The following PTK7 variants were observed in gnomAD, a reference collection of about 807,000 sequenced individuals.
PTK7 encodes the protein inactive tyrosine-protein kinase 7.
In PTK7, 39 loss-of-function variants were observed where a neutral mutation model predicts 116.6. The observed-to-expected ratio is 0.33, with a 90% CI of 0.26 to 0.44. The LOEUF (loss-of-function observed/expected upper bound fraction) is 0.44, where lower values mean the gene tolerates loss of function less well. PTK7 is among the 20% of genes least tolerant of loss of function. The pLI, the probability that PTK7 is intolerant of heterozygous loss-of-function variation, is 1.00. For missense variants in PTK7, 1,169 were observed against 1,425.6 expected (o/e 0.82, Z 2.90); for synonymous variants, 546 against 563.6 (o/e 0.97, Z 0.44).
intron 1 of PTK7, among the ~76,000 whole-genome samples, chr6:43,105,020 C>T (rs1767792651): frequency 6.6e-6 from 1 of 151,454 alleles, no homozygotes; most frequent in East Asian, 1.9e-4. Context: ...ACCGTGTTAG[C>T]CAGGATGGTC....
At chr6:43,117,895 C>T (rs1482071501) in intron 1 of PTK7, among the ~76,000 whole-genome samples, 1 of 150,544 alleles carries the variant, frequency 6.6e-6, no homozygotes, top group Non-Finnish European at 1.5e-5. Context: ...GAGATCATGC[C>T]ATTGCACTCC....
chr6:43,086,197 A>G (rs570892880), intron 1 of PTK7, among the ~76,000 whole-genome samples: 10 of 152,164 alleles, frequency 6.6e-5, no homozygotes, highest in Admixed American at 5.2e-4. Context: ...GCCTAGGCAG[A>G]CTTTTATGAT....
chr6:43,144,580 C>A lies in PTK7; in HGVS notation c.2381C>A (p.Ser794Tyr). The change falls in exon 15 of 20, where the codon TCT becomes TAT. Residue 794 changes from serine (S) to tyrosine (Y), a missense_variant. Physicochemically the swap from Ser to Tyr is moderately radical, Grantham distance 144. This residue lies in a region of PTK7 where 678 missense variants were observed against 853.8 expected (regional missense o/e 0.79). Transcript: ENST00000230419. ...STSDKMHFPR[S>Y]SLQPITTLGK... Reference sequence around the variant, plus strand: ...AGTGATAAGATGCACTTCCCACGGTCTAGCCTGCAGCCCATCACCACGCTG... The same window carrying A: ...AGTGATAAGATGCACTTCCCACGGTATAGCCTGCAGCCCATCACCACGCTG... 6.2e-7 allele frequency: 1 copy of A among 1,613,480 alleles called. No individual in the cohort carries two copies. The highest frequency in any genetic ancestry group is 1.1e-5 in the South Asian group (1 of 90,998).
At chr6:43,120,214 A>T (rs1296912742) in intron 1 of PTK7, among the ~76,000 whole-genome samples, 1 of 152,198 alleles carries the variant, frequency 6.6e-6, no homozygotes, top group Non-Finnish European at 1.5e-5. Context: ...TGGACACTTG[A>T]GTGACTTCAT....
At chr6:43,151,905 C>G (rs1469974396) in intron 17 of PTK7, among the ~76,000 whole-genome samples, 1 of 127,542 alleles carries the variant, frequency 7.8e-6, no homozygotes, top group African/African-American at 3.0e-5. Context: ...AGTGCAGTGG[C>G]GGGATCTCGG....
rs1770689943 is a variant in PTK7 at position 43,145,736 on chromosome 6, C to CT, written c.2640+305dup. ...AGGGATGCCTTCCAGGTCATCTTCTCTGACTCTTGTTTTCTTTGGTTTGTT... is the reference window on the plus strand; with the variant it reads ...AGGGATGCCTTCCAGGTCATCTTCTCTTGACTCTTGTTTTCTTTGGTTTGTT... On this transcript the variant is annotated intron_variant, in intron 16 of 19. Coordinates refer to ENST00000230419, the MANE Select transcript of PTK7 (RefSeq NM_002821.5). This position sits in a 1 kb window ranked among gnomAD's most constrained non-coding sequence, Gnocchi z 4.8. 1 of 218,566 alleles carries CT rather than the reference C, an allele frequency of 4.6e-6. No individual in the cohort carries two copies. Among genetic ancestry groups the CT allele is most frequent in the African/African-American group, 2.3e-5 (1 of 43,936 alleles). 13.5% of individuals were successfully genotyped at this position (218,566 alleles called of 1,614,324 possible). A position where few individuals can be genotyped will look rare whatever the true frequency, so the allele number is the denominator to read the frequency against.
At chr6:43,155,619 A>G (rs935032129) in intron 17 of PTK7, among the ~76,000 whole-genome samples, 18 of 151,692 alleles carry the variant, frequency 1.2e-4, no homozygotes, top group Admixed American at 2.0e-4. Flanking sequence ...ACTGCACTCC[A>G]GCCTGGCAAC....
In PTK7 at chr6:43,110,636, C is replaced by G. The variant is rs532035950; in HGVS notation, c.80-18341C>G. ...ACCATGTTAGGCTGGTTTTGAGCTC[C>G]TGTCCTCAGGTGATCCACCCGCCTC... On this transcript the variant is annotated intron_variant, in intron 1 of 19. Coordinates refer to ENST00000230419, the MANE Select transcript of PTK7 (RefSeq NM_002821.5). 3.3e-5 allele frequency among the ~76,000 whole-genome samples: 5 copies of G among 150,788 alleles called. No individual in the cohort carries two copies. The South Asian group carries it at 1.0e-3, about 32-fold the overall frequency.
At chr6:43,111,155 C>T (rs1292760067) in intron 1 of PTK7, among the ~76,000 whole-genome samples, 2 of 152,188 alleles carry the variant, frequency 1.3e-5, no homozygotes. Context: ...ATCTGCACCC[C>T]TATTAGGAAT....
At chr6:43,159,652 T>A (rs1771718638) in intron 18 of PTK7, 136 bp from the exon 19 acceptor site, 1 of 860,124 alleles carries the variant, frequency 1.2e-6, no homozygotes, top group Non-Finnish European at 1.9e-6. Context: ...AGCACGCATG[T>A]GACCAATTTC....
intron 1 of PTK7, among the ~76,000 whole-genome samples, chr6:43,104,957 T>C (rs1184839209): frequency 2.0e-5 from 3 of 151,744 alleles, no homozygotes; most frequent in Non-Finnish European, 2.9e-5. Flanking sequence ...GGATTACAGG[T>C]GCCCGCCACC....
At chr6:43,104,634 C>T (rs1392882778) in intron 1 of PTK7, among the ~76,000 whole-genome samples, 1 of 151,866 alleles carries the variant, frequency 6.6e-6, no homozygotes, top group Non-Finnish European at 1.5e-5. Context: ...ACCATGTTGG[C>T]CCAGGCTGGT....
intron 1 of PTK7, among the ~76,000 whole-genome samples, chr6:43,102,745 A>AC (rs1767657085): frequency 6.6e-6 from 1 of 152,230 alleles, no homozygotes; most frequent in Non-Finnish European, 1.5e-5. Context: ...AAAATGAAAT[A>AC]CAATGCTATT....
Position 43,076,484 on chromosome 6 carries a change from C to T in PTK7, c.-5C>T, listed in dbSNP as rs1241839528. 1 of 1,564,336 alleles carries T rather than the reference C, an allele frequency of 6.4e-7. No homozygotes were observed. The highest frequency in any genetic ancestry group is 1.2e-5 in the South Asian group (1 of 86,302). ...CCCTCAGCTCCTTTTCCTGAGCCCG[C>T]CGCGATGGGAGCTGCGCGGGGATCC... On this transcript the variant is annotated 5_prime_UTR_variant, in exon 1 of 20. Transcript: ENST00000230419. This position sits in a 1 kb window ranked among gnomAD's most constrained non-coding sequence, Gnocchi z 5.7.
rs746199666 is a variant in PTK7 at position 43,144,560 on chromosome 6, T to C, written c.2361T>C (p.Asp787=). 4.3e-6 allele frequency: 7 copies of C among 1,614,164 alleles called. No individual in the cohort carries two copies. Among genetic ancestry groups the C allele is most frequent in the Non-Finnish European group, 5.9e-6 (7 of 1,180,006 alleles). Residue 787 remains aspartate (D), a synonymous_variant, in exon 15 of 20, where the codon GAT becomes GAC. Transcript: ENST00000230419. ...AATNKRHSTS[D]KMHFPRSSLQ... ...CCAACAAACGCCACAGCACAAGTGA[T>C]AAGATGCACTTCCCACGGTCTAGCC...
chr6:43,139,140 C>G lies in PTK7; in HGVS notation c.1367C>G (p.Ser456Ter). Reference protein sequence around the residue: ...YRNQMLISEDSRFEVFKNGTL... With the variant: ...YRNQMLISED ...GGCCTCTCACCTGTGCTGCAGGACTCACGGTTCGAGGTCTTCAAGAATGGG... is the reference window on the plus strand; with the variant it reads ...GGCCTCTCACCTGTGCTGCAGGACTGACGGTTCGAGGTCTTCAAGAATGGG... Residue 456 changes from serine (S) to a stop codon, truncating the protein, a stop_gained, in exon 9 of 20, where the codon TCA (serine) becomes TGA (stop). Transcript: ENST00000230419. LOFTEE classifies it high-confidence loss of function. This position sits in a 1 kb window ranked among gnomAD's most constrained non-coding sequence, Gnocchi z 4.6. 1 of 1,614,156 alleles carries G rather than the reference C, an allele frequency of 6.2e-7. No homozygotes were observed. The highest frequency in any genetic ancestry group is 8.5e-7 in the Non-Finnish European group (1 of 1,180,022).
At chr6:43,131,515 C>G (rs1351103135) in intron 5 of PTK7, among the ~76,000 whole-genome samples, 1 of 151,742 alleles carries the variant, frequency 6.6e-6, no homozygotes, top group Non-Finnish European at 1.5e-5. Flanking sequence ...GCAAGGAAGA[C>G]CAAGTCACGT....
intron 1 of PTK7, among the ~76,000 whole-genome samples, chr6:43,111,847 T>C (rs1161297535): frequency 6.6e-6 from 1 of 151,538 alleles, no homozygotes; most frequent in Non-Finnish European, 1.5e-5. Flanking sequence ...CTTTTTTTTT[T>C]TTTTTTTAAT....
intron 1 of PTK7, among the ~76,000 whole-genome samples, chr6:43,111,956 A>G (rs1768217416): frequency 6.6e-6 from 1 of 151,680 alleles, no homozygotes; most frequent in African/African-American, 2.4e-5. Context: ...TGCTGGGATT[A>G]CAGGCGTGAG....
Sources: gnomAD v4.1 joint callset for allele counts (sites outside exome capture counted in the v4.1 genomes callset) on GRCh38, gnomAD v4.1.1 for gene constraint, gnomAD v4.1.1 regional missense constraint, Gnocchi (gnomAD v3.1) non-coding constraint, MANE v1.5 for transcripts, NCBI Gene and HGNC (gene_info 2026-07-23, HGNC 2026-07-21) for gene names.